The following CYP7B1 variants were observed in gnomAD, a reference collection of about 807,000 sequenced individuals.
CYP7B1 encodes the protein cytochrome P450 7B1.
Under a neutral mutation model 42.7 loss-of-function variants are expected in CYP7B1, and 29 were observed. That is an observed-to-expected ratio of 0.68 (90% CI 0.51 to 0.93). CYP7B1 has a LOEUF of 0.93. Ranked by LOEUF, CYP7B1 falls within the 40% of genes least tolerant of loss-of-function variation. The pLI is 0.00. For synonymous variants in CYP7B1, 235 were observed against 218.2 expected (o/e 1.08, Z -0.68); for missense variants, 655 against 600.5 (o/e 1.09, Z -0.95).
At chr8:64,676,444 T>G (rs1045803052) in intron 1 of CYP7B1, among the ~76,000 whole-genome samples, 1 of 152,082 alleles carries the variant, frequency 6.6e-6, no homozygotes, top group Non-Finnish European at 1.5e-5. Flanking sequence ...ATGACCTGGG[T>G]TTTATACACT....
At chr8:64,762,495 A>T (rs1403562208) in intron 1 of CYP7B1, among the ~76,000 whole-genome samples, 1 of 152,236 alleles carries the variant, frequency 6.6e-6, no homozygotes, top group Non-Finnish European at 1.5e-5. Context: ...GGGTTGAATC[A>T]GTGTGAGAAA....
At chr8:64,747,822 C>CATTATT in intron 1 of CYP7B1, among the ~76,000 whole-genome samples, 2 of 151,860 alleles carry the variant, frequency 1.3e-5, no homozygotes, top group South Asian at 4.2e-4. Context: ...CCTGGCTATT[C>CATTATT]ATTATTATTA....
intron 1 of CYP7B1, among the ~76,000 whole-genome samples, chr8:64,677,310 A>T (rs1040634233): frequency 6.6e-6 from 1 of 151,924 alleles, no homozygotes; most frequent in African/African-American, 2.4e-5. Flanking sequence ...TTTAAAGCCA[A>T]CCAAAATGAT....
At chr8:64,608,649 A>C (rs1247498253) in intron 4 of CYP7B1, among the ~76,000 whole-genome samples, 1 of 151,408 alleles carries the variant, frequency 6.6e-6, no homozygotes, top group Non-Finnish European at 1.5e-5. Context: ...TGGTTATAAA[A>C]GGGGGAGAGG....
intron 1 of CYP7B1, among the ~76,000 whole-genome samples, chr8:64,699,808 A>G (rs1171790232): frequency 2.0e-5 from 3 of 152,162 alleles, no homozygotes; most frequent in Admixed American, 2.0e-4. Flanking sequence ...TTGCTTTCAG[A>G]AGGAAGTAAA....
chr8:64,742,834 T>G (rs1182418469), intron 1 of CYP7B1, among the ~76,000 whole-genome samples: 1 of 152,230 alleles, frequency 6.6e-6, no homozygotes, highest in Non-Finnish European at 1.5e-5. Context: ...AAAAAGTTTT[T>G]TCCTTTGTAA....
Position 64,595,461 on chromosome 8 carries a change from T to G in CYP7B1, c.*1181A>C, listed in dbSNP as rs1805103154. Among the ~76,000 whole-genome samples the G allele has an allele frequency of 6.6e-6, 1 of 152,236 alleles. No homozygotes were observed. The highest frequency in any genetic ancestry group is 1.5e-5 in the Non-Finnish European group (1 of 68,042). ...CTTATATATTGCATCATCATTTATA[T>G]CAGATGCCAATCATGTGGTACTCTG... On this transcript the variant is annotated 3_prime_UTR_variant, in exon 6 of 6. Transcript: ENST00000310193.
chr8:64,669,463 G>A (rs1806332629), intron 1 of CYP7B1, among the ~76,000 whole-genome samples: 1 of 152,006 alleles, frequency 6.6e-6, no homozygotes. Context: ...GAAAAAGGGT[G>A]CAAAATAAAA....
chr8:64,790,441 C>A (rs1048352680), intron 1 of CYP7B1, among the ~76,000 whole-genome samples: 2 of 152,104 alleles, frequency 1.3e-5, no homozygotes, highest in Non-Finnish European at 2.9e-5. Flanking sequence ...GTGTGAGTGT[C>A]CAGTGAGAAA....
At chr8:64,733,289 G>A (rs190008441) in intron 1 of CYP7B1, among the ~76,000 whole-genome samples, 1 of 152,272 alleles carries the variant, frequency 6.6e-6, no homozygotes, top group East Asian at 1.9e-4. Flanking sequence ...ACAATGATCT[G>A]ATGCGCTAGA....
chr8:64,638,821 G>T (rs1458672728), intron 1 of CYP7B1, among the ~76,000 whole-genome samples: 4 of 151,912 alleles, frequency 2.6e-5, no homozygotes, highest in Non-Finnish European at 5.9e-5. Context: ...TGCTACTTTT[G>T]TGTATGTGTG....
chr8:64,691,063 G>A (rs1377863080), intron 1 of CYP7B1, among the ~76,000 whole-genome samples: 1 of 152,130 alleles, frequency 6.6e-6, no homozygotes, highest in Non-Finnish European at 1.5e-5. Context: ...GGGAGGAGGT[G>A]GTTTAACAAT....
At chr8:64,766,465 G>T (rs1807974458) in intron 1 of CYP7B1, among the ~76,000 whole-genome samples, 2 of 151,522 alleles carry the variant, frequency 1.3e-5, no homozygotes, top group South Asian at 4.2e-4. Context: ...GGCAACCTTG[G>T]TTTTTTATAA....
At chr8:64,600,505 A>C (rs1287341457) in intron 5 of CYP7B1, among the ~76,000 whole-genome samples, 2 of 151,180 alleles carry the variant, frequency 1.3e-5, no homozygotes, top group Middle Eastern at 3.2e-3. Context: ...ACTTTCTCAT[A>C]ATAAAAAAAG....
chr8:64,616,104 T>C lies in CYP7B1; in HGVS notation c.437A>G (p.Gln146Arg). 6.2e-7 allele frequency: 1 copy of C among 1,613,752 alleles called. No homozygotes were observed. Among genetic ancestry groups the C allele is most frequent in the East Asian group, 2.2e-5 (1 of 44,854 alleles). Residue 146 changes from glutamine to arginine, a missense_variant, in exon 3 of 6, where the codon CAA (glutamine) becomes CGA (arginine). Transcript: ENST00000310193. Reference sequence around the variant, plus strand: ...CAAGAGTATGTCCAAAGATTTGCCTTGCAAAAATTGATAGCAGAGGTGAAG... The same window carrying C: ...CAAGAGTATGTCCAAAGATTTGCCTCGCAAAAATTGATAGCAGAGGTGAAG... ...DELHLCYQFL[Q>R]GKSLDILLES...
chr8:64,602,447 T>A (rs1805217927), intron 5 of CYP7B1, among the ~76,000 whole-genome samples: 1 of 150,534 alleles, frequency 6.6e-6, no homozygotes, highest in Admixed American at 6.6e-5. Flanking sequence ...AATTTTAGAG[T>A]CTTTTGGAGG....
chr8:64,775,485 A>G (rs1261396591), intron 1 of CYP7B1, among the ~76,000 whole-genome samples: 1 of 152,116 alleles, frequency 6.6e-6, no homozygotes, highest in Non-Finnish European at 1.5e-5. Flanking sequence ...TTATTTAAGG[A>G]TAGTTCTTTC....
chr8:64,719,089 A>C (rs1807200117), intron 1 of CYP7B1, among the ~76,000 whole-genome samples: 1 of 152,222 alleles, frequency 6.6e-6, no homozygotes. Context: ...TCCATTGCCA[A>C]GAAATTAGAT....
At position 64,768,360 on chromosome 8, in the gene CYP7B1, CA is replaced by C. The variant is rs74274932; in HGVS notation, c.122+30105del. On this transcript the variant is annotated intron_variant, in intron 1 of 5. Coordinates refer to ENST00000310193, the MANE Select transcript of CYP7B1 (RefSeq NM_004820.5). ...TTCACTCTATTAAATCGTGCAACTC[CA>C]AAAAAAAAAAAAAGTGTTATTTACA... Among the ~76,000 whole-genome samples, 517 of 131,716 alleles carry C rather than the reference CA, an allele frequency of 3.9e-3. 2 individuals carry two copies. Among genetic ancestry groups the C allele is most frequent in the Admixed American group, 3.9e-3 (51 of 13,136 alleles). 86.4% of individuals were successfully genotyped at this position (131,716 alleles called of 152,430 possible). A position where few individuals can be genotyped will look rare whatever the true frequency, so the allele number is the denominator to read the frequency against.
Sources: gnomAD v4.1 joint callset for allele counts (sites outside exome capture counted in the v4.1 genomes callset) on GRCh38, gnomAD v4.1.1 for gene constraint, MANE v1.5 for transcripts, NCBI Gene and HGNC (gene_info 2026-07-23, HGNC 2026-07-21) for gene names.